Variants in CBR4 observed in about 807,000 individuals in gnomAD.
The protein encoded by CBR4 is 3-oxoacyl-[acyl-carrier-protein] reductase.
CBR4 carries 22 observed loss-of-function variants against 21.0 expected under a neutral mutation model. The ratio of observed to expected loss-of-function variants is 1.05; its 90% CI spans 0.75 to 1.50. The LOEUF (loss-of-function observed/expected upper bound fraction) is 1.50, where lower values mean the gene tolerates loss of function less well. Among genes scored for constraint, CBR4 ranks in the 40% most tolerant of loss-of-function variants. The pLI is 0.00. For missense variants in CBR4, 302 were observed against 286.3 expected (o/e 1.05, Z -0.40); for synonymous variants, 100 against 104.4 (o/e 0.96, Z 0.26).
chr4:168,996,833 C>T (rs1232090215), intron 4 of CBR4, among the ~76,000 whole-genome samples: 1 of 152,122 alleles, frequency 6.6e-6, no homozygotes, highest in East Asian at 1.9e-4. Context: ...ACTTCCATGT[C>T]ATTTTATATT....
intron 2 of CBR4, among the ~76,000 whole-genome samples, chr4:168,913,611 G>C (rs1332802446): frequency 6.6e-6 from 1 of 152,020 alleles, no homozygotes; most frequent in Non-Finnish European, 1.5e-5. Flanking sequence ...AACATCATGT[G>C]TTACGGAGAC....
rs10020879 is a variant in CBR4, at chr4:168,894,954, A to T, written n.170-189T>A. Among the ~76,000 whole-genome samples, 128,236 of 152,236 alleles carry T rather than the reference A, an allele frequency of 0.84. 54,190 individuals carry two copies. Among genetic ancestry groups the T allele is most frequent in the East Asian group, 1 (5,186 of 5,194 alleles). ...AGTACATTTCCATTTTCCTATCCTA[A>T]GTTTTATGCAAAATAATTTTGTGTG... On this transcript the variant is annotated intron_variant and non_coding_transcript_variant, in intron 2 of 3. Transcript: ENST00000509108.
intron 2 of CBR4, among the ~76,000 whole-genome samples, chr4:168,917,468 T>G (rs1468478664): frequency 6.6e-6 from 1 of 152,188 alleles, no homozygotes. Context: ...TCAAAGGAGT[T>G]TAGGGAAAAA....
intron 2 of CBR4, among the ~76,000 whole-genome samples, chr4:168,901,732 C>T (rs184401114): frequency 1.2e-4 from 18 of 152,210 alleles, no homozygotes; most frequent in African/African-American, 4.1e-4. Flanking sequence ...GAGGCGCACA[C>T]CTGTAATCCC....
At chr4:168,928,990 GGT>G (rs1182874415) in intron 2 of CBR4, among the ~76,000 whole-genome samples, 1 of 152,174 alleles carries the variant, frequency 6.6e-6, no homozygotes, top group Non-Finnish European at 1.5e-5. Flanking sequence ...ACTGAGAGAA[GGT>G]GTGTATACAC....
intron 3 of CBR4, among the ~76,000 whole-genome samples, chr4:169,003,658 T>G (rs140792635): frequency 6.6e-6 from 1 of 152,152 alleles, no homozygotes; most frequent in Non-Finnish European, 1.5e-5. Context: ...AGTCAATCAA[T>G]GTGGCAAATT....
intron 2 of CBR4, chr4:168,904,021 TA>T: frequency 9.3e-7 from 1 of 1,076,558 alleles, no homozygotes; most frequent in East Asian, 2.4e-5. Flanking sequence ...TTTATGAAAC[TA>T]TTTTTCCAAA....
At position 168,988,624 on chromosome 4, in the gene CBR4, C is replaced by T. The variant is rs1400665453; in HGVS notation, c.*1526G>A. 1.0e-6 allele frequency: 1 copy of T among 985,236 alleles called. No homozygotes were observed. The highest frequency in any genetic ancestry group is 1.2e-6 in the Non-Finnish European group (1 of 829,894). The allele number at this position is 985,236 out of a possible 1,614,324, so 61.0% of individuals were successfully genotyped here. On this transcript the variant is annotated 3_prime_UTR_variant, in exon 5 of 5. Coordinates refer to ENST00000306193, the MANE Select transcript of CBR4 (RefSeq NM_032783.5). ...CTGAGTGCTGCATTTCCTATATGTG[C>T]CTAGACTTGGTAATGCCTGATAAAT... is the stretch of plus-strand genomic sequence containing the variant.
chr4:168,937,632 A>G (rs1463630170), intron 2 of CBR4, among the ~76,000 whole-genome samples: 2 of 82,736 alleles, frequency 2.4e-5, no homozygotes, highest in East Asian at 3.0e-3. Context: ...GCAAATAAAA[A>G]AAGCAAAAAA....
intron 2 of CBR4, among the ~76,000 whole-genome samples, chr4:168,957,552 G>A (rs1283134561): frequency 1.3e-5 from 2 of 152,078 alleles, no homozygotes; most frequent in Non-Finnish European, 2.9e-5. Flanking sequence ...CCACGAAACT[G>A]CTACCAGAAT....
chr4:168,955,135 T>C (rs1763646698), intron 2 of CBR4, among the ~76,000 whole-genome samples: 1 of 152,232 alleles, frequency 6.6e-6, no homozygotes, highest in African/African-American at 2.4e-5. Context: ...TTAATGATTA[T>C]GATATAACTA....
chr4:168,932,423 A>AATGT (rs1762996930), intron 2 of CBR4, among the ~76,000 whole-genome samples: 1 of 152,158 alleles, frequency 6.6e-6, no homozygotes, highest in African/African-American at 2.4e-5. Flanking sequence ...AAGCCTACAG[A>AATGT]ATGTATGGGA....
chr4:168,988,498 T>C lies in CBR4; in HGVS notation c.*1652A>G. 1 of 985,382 alleles carries C rather than the reference T, an allele frequency of 1.0e-6. No individual in the cohort carries two copies. Among genetic ancestry groups the C allele is most frequent in the Non-Finnish European group, 1.2e-6 (1 of 829,916 alleles). 61.0% of individuals were successfully genotyped at this position (985,382 alleles called of 1,614,324 possible). A position where few individuals can be genotyped will look rare whatever the true frequency, so the allele number is the denominator to read the frequency against. On this transcript the variant is annotated 3_prime_UTR_variant, in exon 5 of 5. Coordinates refer to ENST00000306193, the MANE Select transcript of CBR4 (RefSeq NM_032783.5). ...GGCTGCCATAATGGGGAAGTACAGG[T>C]AGCCAAAGGCCAGCAATTGAGACAG... is the stretch of plus-strand genomic sequence containing the variant.
intron 2 of CBR4, among the ~76,000 whole-genome samples, chr4:168,933,238 AC>A (rs2126658983): frequency 1.3e-5 from 2 of 152,328 alleles, no homozygotes; most frequent in South Asian, 4.1e-4. Flanking sequence ...GAATAAAAAA[AC>A]CATGCAACTA....
At chr4:168,931,640 C>A (rs1023138641) in intron 2 of CBR4, among the ~76,000 whole-genome samples, 4 of 152,052 alleles carry the variant, frequency 2.6e-5, no homozygotes, top group African/African-American at 9.7e-5. Flanking sequence ...AATGAGCATG[C>A]CTGTACCCAG....
At chr4:168,934,285 A>AC (rs1763047396) in intron 2 of CBR4, among the ~76,000 whole-genome samples, 1 of 147,780 alleles carries the variant, frequency 6.8e-6, no homozygotes, top group African/African-American at 2.5e-5. Context: ...AAAAAAACAA[A>AC]AAAAAAAAAA....
intron 2 of CBR4, among the ~76,000 whole-genome samples, chr4:168,968,349 CATG>C (rs1158539862): frequency 2.0e-5 from 3 of 152,178 alleles, no homozygotes; most frequent in African/African-American, 7.2e-5. Flanking sequence ...TAGAGTGGAT[CATG>C]ATGTTTCACT....
rs1240940312 is a variant in CBR4 at position 168,990,755 on chromosome 4, A to G, written c.536-427T>C. On this transcript the variant is annotated intron_variant, in intron 4 of 4. Coordinates refer to ENST00000306193, the MANE Select transcript of CBR4 (RefSeq NM_032783.5). The stretch of plus-strand genomic sequence containing the variant: ...GAAATTATTAATAAACCTTGTTTAT[A>G]TAAAATAGTTTTGTTGGCCAGGTGC... 2.0e-5 allele frequency among the ~76,000 whole-genome samples: 3 copies of G among 151,722 alleles called. No individual in the cohort carries two copies. In the East Asian group the frequency reaches 5.9e-4, roughly 30 times the overall value.
intron 2 of CBR4, among the ~76,000 whole-genome samples, chr4:168,916,469 A>G (rs1236665562): frequency 1.6e-5 from 2 of 121,992 alleles, no homozygotes; most frequent in South Asian, 3.3e-4. Context: ...GGATATTTAT[A>G]TATTGTTTAC....
Sources: gnomAD v4.1 joint callset for allele counts (sites outside exome capture counted in the v4.1 genomes callset) on GRCh38, gnomAD v4.1.1 for gene constraint, MANE v1.5 for transcripts, NCBI Gene and HGNC (gene_info 2026-07-23, HGNC 2026-07-21) for gene names.